CPNE3: variants seen among roughly 807,000 people sequenced by gnomAD.
CPNE3 encodes the protein copine 3, also known as copine-3.
Under a neutral mutation model 63.9 loss-of-function variants are expected in CPNE3, and 68 were observed. The ratio of observed to expected loss-of-function variants is 1.06; its 90% CI spans 0.87 to 1.30. CPNE3 has a LOEUF of 1.30. Ranked by LOEUF, CPNE3 falls within the 50% of genes most tolerant of loss-of-function variation. CPNE3 has a pLI of 0.00. For missense variants in CPNE3, 665 were observed against 578.1 expected (o/e 1.15, Z -1.54); for synonymous variants, 219 against 197.5 (o/e 1.11, Z -0.91).
intron 12 of CPNE3, among the ~76,000 whole-genome samples, chr8:86,548,849 A>G (rs1198249235): frequency 6.6e-6 from 1 of 150,874 alleles, no homozygotes; most frequent in Non-Finnish European, 1.5e-5. Flanking sequence ...ACTAAATACT[A>G]TTTATAAATA....
At chr8:86,535,524 C>T (rs767964055) in intron 6 of CPNE3, among the ~76,000 whole-genome samples, 11 of 151,806 alleles carry the variant, frequency 7.2e-5, no homozygotes, top group South Asian at 6.2e-4. Flanking sequence ...AAAAATTAGC[C>T]GGTCATGGTA....
chr8:86,531,213 GA>G lies in CPNE3; in HGVS notation c.375del (p.Ser127AlafsTer9). ...GTGATGAAAACTGGCAGACCTGCAG[GA>G]AAAGGGAGCATTACGGTAAAAATAA... ...PLVMKTGRPA[G>X]KGSITISAEE... On this transcript the variant is annotated frameshift_variant, in exon 5 of 17. Transcript: ENST00000517490. LOFTEE classifies it high-confidence loss of function. 3.9e-5 allele frequency: 48 copies of G among 1,240,542 alleles called. No individual in the cohort carries two copies. Among genetic ancestry groups the G allele is most frequent in the Non-Finnish European group, 5.0e-5 (42 of 838,482 alleles). 76.8% of individuals were successfully genotyped at this position (1,240,542 alleles called of 1,614,324 possible).
chr8:86,528,737 G>GT, intron 3 of CPNE3, 60 bp downstream of exon 3: 5 of 1,531,200 alleles, frequency 3.3e-6, no homozygotes, highest in Non-Finnish European at 4.4e-6. Context: ...AATGTGAAGA[G>GT]TTTTTTTAAT....
chr8:86,534,350 T>C (rs1347730025), intron 6 of CPNE3, among the ~76,000 whole-genome samples: 1 of 152,086 alleles, frequency 6.6e-6, no homozygotes, highest in Admixed American at 6.6e-5. Context: ...GATAACTACC[T>C]GGTTTTATTA....
At chr8:86,544,920 T>G in intron 9 of CPNE3, 82 bp downstream of exon 9, 1 of 736,416 alleles carries the variant, frequency 1.4e-6, no homozygotes, top group South Asian at 2.3e-5. Flanking sequence ...TCCCATAGCA[T>G]CAAACGGTTT....
chr8:86,554,748 G>A (rs1353408570), intron 14 of CPNE3, 103 bp from the exon 15 acceptor site: 22 of 1,359,716 alleles, frequency 1.6e-5, no homozygotes, highest in African/African-American at 2.9e-5. Flanking sequence ...ACTATTTAAA[G>A]CACTATATGT....
intron 6 of CPNE3, among the ~76,000 whole-genome samples, chr8:86,536,596 G>C (rs886301218): frequency 9.2e-5 from 14 of 151,946 alleles, no homozygotes; most frequent in Non-Finnish European, 1.6e-4. Flanking sequence ...TTTTATTTTA[G>C]TTCTTAATTT....
chr8:86,549,018 G>C (rs749965083), intron 12 of CPNE3, among the ~76,000 whole-genome samples: 2 of 152,080 alleles, frequency 1.3e-5, no homozygotes, highest in African/African-American at 2.4e-5. Flanking sequence ...CAATGGTTAG[G>C]TTTTGAAAAG....
intron 6 of CPNE3, among the ~76,000 whole-genome samples, chr8:86,534,735 T>C (rs925928695): frequency 1.3e-5 from 2 of 152,232 alleles, no homozygotes; most frequent in Non-Finnish European, 1.5e-5. Flanking sequence ...AGAATCTTTC[T>C]ATAGAGAGAA....
At chr8:86,519,864 C>A (rs1381912061) in intron 2 of CPNE3, among the ~76,000 whole-genome samples, 1 of 152,170 alleles carries the variant, frequency 6.6e-6, no homozygotes, top group Non-Finnish European at 1.5e-5. Flanking sequence ...CAGGTGGGCG[C>A]CATCATGCCC....
rs1420404019 is a variant in CPNE3 at position 86,558,820 on chromosome 8, A to G, written c.*410A>G. On this transcript the variant is annotated 3_prime_UTR_variant, in exon 17 of 17. Transcript: ENST00000517490. Reference sequence around the variant, plus strand: ...ATTCACAGTGTATGTTGTATAAGCCAATGTCCATACCTGATTATGAGAGCT... The same window carrying G: ...ATTCACAGTGTATGTTGTATAAGCCGATGTCCATACCTGATTATGAGAGCT... 1.5e-5 allele frequency: 3 copies of G among 204,624 alleles called. No homozygotes were observed. Among genetic ancestry groups the G allele is most frequent in the African/African-American group, 2.3e-5 (1 of 43,636 alleles). The allele number at this position is 204,624 out of a possible 1,614,324, so 12.7% of individuals were successfully genotyped here.
intron 2 of CPNE3, among the ~76,000 whole-genome samples, chr8:86,520,000 C>A (rs548958169): frequency 6.6e-6 from 1 of 152,062 alleles, no homozygotes; most frequent in Non-Finnish European, 1.5e-5. Context: ...GCGTGAGCCA[C>A]CGCACCTGGC....
At chr8:86,535,777 C>T (rs1051358911) in intron 6 of CPNE3, among the ~76,000 whole-genome samples, 9 of 152,008 alleles carry the variant, frequency 5.9e-5, no homozygotes, top group Non-Finnish European at 8.8e-5. Flanking sequence ...TCTCACACAA[C>T]GTTAATAGTT....
At position 86,548,329 on chromosome 8, in the gene CPNE3, G is replaced by A; in HGVS notation, c.908G>A (p.Gly303Asp). 6.2e-7 allele frequency: 1 copy of A among 1,614,072 alleles called. No homozygotes were observed. Among genetic ancestry groups the A allele is most frequent in the South Asian group, 1.1e-5 (1 of 91,078 alleles). Residue 303 changes from glycine to aspartate, a missense_variant, in exon 12 of 17, where the codon GGT becomes GAT. Physicochemically the swap from Gly to Asp is moderately conservative, Grantham distance 94. Coordinates refer to ENST00000517490, the MANE Select transcript of CPNE3 (RefSeq NM_003909.5). The stretch of plus-strand genomic sequence containing the variant: ...GGAGTGGACTTCACTGGCTCCAATG[G>A]TGACCCAAGGTCTCCAGACTCCCTT... ...TVGVDFTGSN[G>D]DPRSPDSLHY...
chr8:86,521,775 A>C (rs578183085), intron 2 of CPNE3: 2 of 152,214 alleles, frequency 1.3e-5, no homozygotes, highest in South Asian at 4.1e-4. Flanking sequence ...ACTATGCATT[A>C]TTTTGAAGAT....
intron 10 of CPNE3, 43 bp downstream of exon 10, chr8:86,546,724 C>G: frequency 6.4e-7 from 1 of 1,563,316 alleles, no homozygotes; most frequent in Non-Finnish European, 8.6e-7. Context: ...TTTATTTATT[C>G]TTTTTGAGCT....
chr8:86,516,047 A>G (rs1306898401), intron 2 of CPNE3, among the ~76,000 whole-genome samples: 1 of 152,234 alleles, frequency 6.6e-6, no homozygotes, highest in African/African-American at 2.4e-5. Flanking sequence ...AGAATTATTA[A>G]TAGGTCAGTT....
chr8:86,529,152 T>C (rs1188751207), intron 4 of CPNE3, 28 bp downstream of exon 4: 2 of 1,558,406 alleles, frequency 1.3e-6, no homozygotes, highest in African/African-American at 1.4e-5. Context: ...CTGTACTCTA[T>C]TTTGTCTAAA....
chr8:86,532,064 CTG>C (rs1197920843), intron 5 of CPNE3, among the ~76,000 whole-genome samples: 1 of 152,154 alleles, frequency 6.6e-6, no homozygotes, highest in African/African-American at 2.4e-5. Context: ...GCATGATAGA[CTG>C]ATACTTATTT....
Sources: allele counts gnomAD v4.1 joint callset (sites outside exome capture counted in the v4.1 genomes callset), GRCh38; gene constraint gnomAD v4.1.1; transcripts MANE v1.5; gene names NCBI Gene and HGNC (gene_info 2026-07-23, HGNC 2026-07-21).